Variants in DLGAP2 observed in about 807,000 individuals in gnomAD.
DLGAP2 encodes the protein DLG associated protein 2.
In DLGAP2, 26 loss-of-function variants were observed where a neutral mutation model predicts 100.3. The ratio of observed to expected loss-of-function variants is 0.26; its 90% confidence interval spans 0.19 to 0.36. DLGAP2 has a LOEUF of 0.36. DLGAP2 is among the 10% of genes least tolerant of loss of function. The pLI is 1.00. For synonymous variants in DLGAP2, 886 were observed against 630.1 expected, an observed-to-expected ratio of 1.41 and a Z score of -6.08; for missense variants, 1,858 against 1,453.2, an observed-to-expected ratio of 1.28 and a Z score of -4.53.
intron 1 of DLGAP2, chr8:891,275 C>G (rs149514890): frequency 6.6e-6 from 1 of 152,424 alleles, no homozygotes; most frequent in Non-Finnish European, 1.5e-5. Context: ...TTTATTTCAT[C>G]TTAATTTTGA....
At chr8:1,033,801 C>T (rs1325255073) in intron 2 of DLGAP2, among the ~76,000 whole-genome samples, 5 of 144,474 alleles carry the variant, frequency 3.5e-5, no homozygotes, top group East Asian at 2.1e-4. Context: ...ATCCCGACCC[C>T]GCGTGTCACC....
intron 13 of DLGAP2, among the ~76,000 whole-genome samples, chr8:1,696,466 C>A (rs1326099720): frequency 1.3e-5 from 2 of 152,144 alleles, no homozygotes; most frequent in African/African-American, 4.8e-5. Context: ...CACCTGTGCT[C>A]CAGCCTGGGC....
At chr8:1,532,757 T>C (rs972549235) in intron 4 of DLGAP2, among the ~76,000 whole-genome samples, 1 of 152,246 alleles carries the variant, frequency 6.6e-6, no homozygotes, top group African/African-American at 2.4e-5. Context: ...GAAAATACTC[T>C]TTCTCTGCTT....
chr8:1,123,334 C>T (rs546429235), intron 2 of DLGAP2, among the ~76,000 whole-genome samples: 4 of 152,194 alleles, frequency 2.6e-5, no homozygotes, highest in Middle Eastern at 3.4e-3. Context: ...TCCCATGAGG[C>T]GGGTGATAAT....
At chr8:759,966 C>G (rs1821038928) in intron 1 of DLGAP2, among the ~76,000 whole-genome samples, 1 of 152,224 alleles carries the variant, frequency 6.6e-6, no homozygotes, top group African/African-American at 2.4e-5. Flanking sequence ...CACCACCCAG[C>G]AATTGTCAGG....
At chr8:1,048,764 G>C (rs1802589906) in intron 2 of DLGAP2, among the ~76,000 whole-genome samples, 1 of 152,016 alleles carries the variant, frequency 6.6e-6, no homozygotes, top group African/African-American at 2.4e-5. Context: ...TGCCGCCGAA[G>C]CTGCAGTCTT....
chr8:1,317,450 A>G (rs1257467807), intron 3 of DLGAP2, among the ~76,000 whole-genome samples: 1 of 144,610 alleles, frequency 6.9e-6, no homozygotes, highest in South Asian at 2.2e-4. Flanking sequence ...GCTTTTAAAA[A>G]TAGAGGCTGT....
chr8:1,539,550 G>C (rs1025109764), intron 4 of DLGAP2, among the ~76,000 whole-genome samples: 2 of 152,088 alleles, frequency 1.3e-5, no homozygotes, highest in African/African-American at 4.8e-5. Flanking sequence ...ACTGAGCCTT[G>C]CCAGGGTCCC....
At chr8:1,510,680 G>A (rs1800131207) in intron 4 of DLGAP2, among the ~76,000 whole-genome samples, 4 of 152,190 alleles carry the variant, frequency 2.6e-5, no homozygotes, top group Admixed American at 2.6e-4. Context: ...AGAGAGAGTG[G>A]TGACTTCTCC....
chr8:1,485,485 C>G (rs891856583), intron 3 of DLGAP2, among the ~76,000 whole-genome samples: 2 of 152,256 alleles, frequency 1.3e-5, no homozygotes, highest in African/African-American at 2.4e-5. Context: ...AAGTAATGGA[C>G]TCGCTGGATG....
At chr8:1,574,556 G>A (rs898757235) in intron 6 of DLGAP2, among the ~76,000 whole-genome samples, 1 of 152,184 alleles carries the variant, frequency 6.6e-6, no homozygotes, top group Non-Finnish European at 1.5e-5. Context: ...AGTCCTGTGT[G>A]TGGTCTTCCC....
chr8:1,558,647 A>C (rs567884754), intron 5 of DLGAP2, among the ~76,000 whole-genome samples: 1 of 151,698 alleles, frequency 6.6e-6, no homozygotes, highest in South Asian at 2.1e-4. Context: ...TTACACATAC[A>C]TAAACACACA....
Position 879,383 on chromosome 8 carries a change from G to A in DLGAP2, c.19-28529G>A, listed in dbSNP as rs576146602. Among the ~76,000 whole-genome samples, 6 of 152,318 alleles carry A rather than the reference G, an allele frequency of 3.9e-5. No homozygotes were observed. The South Asian group carries it at 1.2e-3, about 32-fold the overall frequency. On this transcript the variant is annotated intron_variant, in intron 1 of 14. Transcript: ENST00000637795. The stretch of plus-strand genomic sequence containing the variant: ...AGCGTAGGGTTTACTTGAAGATAGA[G>A]GTCCTTTGGGTCTGGTGGTACCCAT...
rs761757961 is a variant in DLGAP2 at position 1,565,726 on chromosome 8, A to T, written c.1274A>T (p.Asp425Val). Residue 425 changes from aspartate (D) to valine (V), a missense_variant, in exon 6 of 15, where the codon GAT becomes GTT. Coordinates refer to ENST00000637795, the MANE Select transcript of DLGAP2 (RefSeq NM_001346810.2). ...GGAGGGTACCCCACCGGTGGCAAAG[A>T]TGAGGAGATTCCCTGCAGGAGAATG... ...EWGGYPTGGKDEEIPCRRMRS... is the reference protein window; with the variant it reads ...EWGGYPTGGKVEEIPCRRMRS... 1 of 1,613,610 alleles carries T rather than the reference A, an allele frequency of 6.2e-7. No homozygotes were observed. Among genetic ancestry groups the T allele is most frequent in the East Asian group, 2.2e-5 (1 of 44,862 alleles).
chr8:813,467 T>C (rs1459083536), intron 1 of DLGAP2, among the ~76,000 whole-genome samples: 2 of 152,170 alleles, frequency 1.3e-5, no homozygotes, highest in Admixed American at 6.5e-5. Context: ...AGATGCCTCA[T>C]GTGAAATAGA....
intron 12 of DLGAP2, among the ~76,000 whole-genome samples, chr8:1,689,445 C>G (rs2130873251): frequency 6.6e-6 from 1 of 152,246 alleles, no homozygotes; most frequent in Non-Finnish European, 1.5e-5. Context: ...CCTCTGCGTT[C>G]AAGGGGGCAA....
chr8:1,266,949 A>T (rs73168496), intron 3 of DLGAP2, among the ~76,000 whole-genome samples: 17,016 of 151,998 alleles, frequency 0.11, 1,259 homozygotes, highest in East Asian at 0.4. Flanking sequence ...TAAAAATAAA[A>T]AGGGCGCGGT....
chr8:915,987 G>T (rs959265672), intron 2 of DLGAP2, among the ~76,000 whole-genome samples: 1 of 151,042 alleles, frequency 6.6e-6, no homozygotes, highest in African/African-American at 2.4e-5. Flanking sequence ...ATCTGTCCCA[G>T]GGCGTGGTTT....
chr8:1,139,096 G>A (rs764176266), intron 2 of DLGAP2, among the ~76,000 whole-genome samples: 27 of 152,314 alleles, frequency 1.8e-4, no homozygotes, highest in Admixed American at 1.4e-3. Flanking sequence ...GTGTTTCCTC[G>A]GGTGATGACT....
Sources: allele counts gnomAD v4.1 joint callset (sites outside exome capture counted in the v4.1 genomes callset), GRCh38; gene constraint gnomAD v4.1.1; transcripts MANE v1.5; gene names NCBI Gene and HGNC (gene_info 2026-07-23, HGNC 2026-07-21).